Variants in BBS9 observed in about 807,000 individuals in gnomAD.
BBS9 encodes Bardet-Biedl syndrome 9, also known as protein PTHB1.
A neutral mutation model predicts 117.7 loss-of-function variants in BBS9; 89 were observed. The observed-to-expected ratio is 0.76, with a 90% CI of 0.64 to 0.90. BBS9 has a LOEUF of 0.90. BBS9 is among the 40% of genes least tolerant of loss of function. BBS9 has a pLI of 0.00. For synonymous variants in BBS9, 379 were observed against 370.9 expected, an observed-to-expected ratio of 1.02 and a Z score of -0.25; for missense variants, 982 against 1,042.2, an observed-to-expected ratio of 0.94 and a Z score of 0.80.
At chr7:33,398,734 T>TTTAA (rs946582864) in intron 19 of BBS9, among the ~76,000 whole-genome samples, 2 of 152,230 alleles carry the variant, frequency 1.3e-5, no homozygotes, top group Admixed American at 6.5e-5. Flanking sequence ...ATGTATTTTA[T>TTTAA]TTAATTAATT....
chr7:33,631,960 G>T (rs1362167103), intron 21 of BBS9, among the ~76,000 whole-genome samples: 2 of 152,184 alleles, frequency 1.3e-5, no homozygotes, highest in Non-Finnish European at 1.5e-5. Flanking sequence ...TTAGTGCGTA[G>T]AATGGAATAA....
intron 21 of BBS9, among the ~76,000 whole-genome samples, chr7:33,550,175 G>T (rs747535324): frequency 2.0e-5 from 3 of 151,850 alleles, no homozygotes; most frequent in African/African-American, 7.3e-5. Flanking sequence ...TTTCCTTCAA[G>T]TTCTACTCCC....
intron 20 of BBS9, among the ~76,000 whole-genome samples, chr7:33,529,889 C>A (rs1203373625): frequency 6.6e-6 from 1 of 152,112 alleles, no homozygotes; most frequent in Non-Finnish European, 1.5e-5. Flanking sequence ...TAGGTATGTG[C>A]ATGTAGTATG....
intron 2 of BBS9, among the ~76,000 whole-genome samples, chr7:33,151,897 G>A (rs564423627): frequency 4.6e-5 from 5 of 107,838 alleles, no homozygotes; most frequent in African/African-American, 7.1e-5. Flanking sequence ...TTGTTCTTTC[G>A]CCCAGGCTAG....
intron 19 of BBS9, among the ~76,000 whole-genome samples, chr7:33,431,785 A>G (rs1301866581): frequency 6.6e-6 from 1 of 152,234 alleles, no homozygotes; most frequent in Non-Finnish European, 1.5e-5. Flanking sequence ...AGACAGAAAG[A>G]GAGCCATATG....
intron 9 of BBS9, among the ~76,000 whole-genome samples, chr7:33,312,132 AT>A (rs1394245687): frequency 1.3e-5 from 2 of 151,984 alleles, no homozygotes; most frequent in African/African-American, 4.8e-5. Context: ...TCTGTCCACC[AT>A]TTTTTTGATT....
chr7:33,256,851 C>T (rs1797155708), intron 5 of BBS9, among the ~76,000 whole-genome samples: 2 of 152,062 alleles, frequency 1.3e-5, no homozygotes, highest in African/African-American at 4.8e-5. Flanking sequence ...GTTATAGCCA[C>T]TAGATCTTTC....
chr7:33,428,395 C>A (rs567232642), intron 19 of BBS9, among the ~76,000 whole-genome samples: 2 of 152,176 alleles, frequency 1.3e-5, no homozygotes, highest in Admixed American at 6.5e-5. Flanking sequence ...ATTGACAGTT[C>A]CAATATAGAT....
chr7:33,404,702 G>T (rs1371476212), intron 19 of BBS9, among the ~76,000 whole-genome samples: 4 of 150,860 alleles, frequency 2.7e-5, no homozygotes, highest in Non-Finnish European at 5.9e-5. Context: ...TTTGTATCCT[G>T]AGACTTTGCT....
At chr7:33,192,206 A>G (rs1784228976) in intron 5 of BBS9, among the ~76,000 whole-genome samples, 1 of 152,194 alleles carries the variant, frequency 6.6e-6, no homozygotes, top group Non-Finnish European at 1.5e-5. Context: ...TTAAATGGAA[A>G]AGCCTTTACT....
At chr7:33,234,325 C>T (rs961075312) in intron 5 of BBS9, among the ~76,000 whole-genome samples, 2 of 151,792 alleles carry the variant, frequency 1.3e-5, no homozygotes, top group African/African-American at 2.4e-5. Flanking sequence ...ATAATTTTTT[C>T]CCCCAGCTAT....
intron 21 of BBS9, among the ~76,000 whole-genome samples, chr7:33,590,459 G>GTTTTTTTTTTT (rs71554107): frequency 3.0e-5 from 3 of 101,508 alleles, no homozygotes; most frequent in Non-Finnish European, 5.9e-5. Context: ...TTGTTTTTTT[G>GTTTTTTTTTTT]TTTTTTTTTT....
At chr7:33,234,242 G>A (rs1793044288) in intron 5 of BBS9, among the ~76,000 whole-genome samples, 1 of 152,020 alleles carries the variant, frequency 6.6e-6, no homozygotes, top group Admixed American at 6.6e-5. Flanking sequence ...TGTGTGTATA[G>A]GGTTTGGTAC....
At chr7:33,259,078 T>C (rs1034150454) in intron 6 of BBS9, among the ~76,000 whole-genome samples, 2 of 152,220 alleles carry the variant, frequency 1.3e-5, no homozygotes, top group Non-Finnish European at 2.9e-5. Context: ...ATATATGCTT[T>C]CAACTTTAAT....
chr7:33,164,529 A>G (rs1284516934), intron 4 of BBS9, among the ~76,000 whole-genome samples: 4 of 152,188 alleles, frequency 2.6e-5, no homozygotes, highest in Admixed American at 6.5e-5. Flanking sequence ...TTGGGTGCAT[A>G]TATATTTAGG....
At chr7:33,255,368 G>C (rs2110766) in intron 5 of BBS9, among the ~76,000 whole-genome samples, 5,286 of 108,356 alleles carry the variant, frequency 0.049, 180 homozygotes, top group African/African-American at 0.12. Flanking sequence ...TTTTTTGCAT[G>C]TGGATATCCA....
intron 5 of BBS9, among the ~76,000 whole-genome samples, chr7:33,227,647 T>A (rs1389002935): frequency 6.6e-6 from 1 of 152,052 alleles, no homozygotes; most frequent in Non-Finnish European, 1.5e-5. Flanking sequence ...GTCCTCTATA[T>A]CATTCCTATG....
At chr7:33,272,503 T>G (rs368735891) in intron 7 of BBS9, among the ~76,000 whole-genome samples, 6 of 152,316 alleles carry the variant, frequency 3.9e-5, no homozygotes, top group African/African-American at 4.8e-5. Context: ...CTTTCATTAC[T>G]TTAAGAAGCA....
intron 19 of BBS9, among the ~76,000 whole-genome samples, chr7:33,416,807 G>T (rs971852271): frequency 2.6e-5 from 4 of 152,162 alleles, no homozygotes; most frequent in Non-Finnish European, 5.9e-5. Flanking sequence ...GGAGGAGGCA[G>T]CCAGTTGTCT....
Sources: allele counts gnomAD v4.1 joint callset (sites outside exome capture counted in the v4.1 genomes callset), GRCh38; gene constraint gnomAD v4.1.1; transcripts MANE v1.5; gene names NCBI Gene and HGNC (gene_info 2026-07-23, HGNC 2026-07-21).